The following COL15A1 variants were observed in gnomAD, a reference collection of about 807,000 sequenced individuals.
COL15A1 encodes collagen alpha-1(XV) chain.
In COL15A1, 111 loss-of-function variants were observed where a neutral mutation model predicts 165.9. The observed-to-expected ratio is 0.67, with a 90% CI of 0.57 to 0.78. The LOEUF is 0.78. COL15A1 is among the 30% of genes least tolerant of loss of function. The pLI, the probability that COL15A1 is intolerant of heterozygous loss-of-function variation, is 0.00. For missense variants in COL15A1, 1,745 were observed against 1,789.7 expected (o/e 0.98, Z 0.45); for synonymous variants, 659 against 674.8 (o/e 0.98, Z 0.36).
At chr9:99,040,741 A>G in intron 23 of COL15A1, 185 bp downstream of exon 23, 1 of 1,028,294 alleles carries the variant, frequency 9.7e-7, no homozygotes, top group Non-Finnish European at 1.4e-6. Flanking sequence ...CTGGTCTGGA[A>G]CTCCTGAGCT....
At chr9:99,040,393 G>A (rs1191760051) in intron 22 of COL15A1, 128 bp from the exon 23 acceptor site, 6 of 1,482,394 alleles carry the variant, frequency 4.0e-6, no homozygotes, top group African/African-American at 1.4e-5. Context: ...CCCTAATGCT[G>A]TGTCAATCCG....
chr9:99,022,614 A>G (rs73503744), intron 13 of COL15A1, among the ~76,000 whole-genome samples: 6,653 of 152,044 alleles, frequency 0.044, 386 homozygotes, highest in South Asian at 0.11. Flanking sequence ...CTCCGCCTCC[A>G]TGTCACCACT....
rs1334467922 is a variant in COL15A1 at position 99,055,321 on chromosome 9, C to G, written c.3141C>G (p.Gly1047=). Residue 1047 remains glycine (G), a synonymous_variant, in exon 34 of 42, where the codon GGC becomes GGG. Coordinates refer to ENST00000375001, the MANE Select transcript of COL15A1 (RefSeq NM_001855.5). ...AAGGAGAAAAAGGAGACATTAATGG[C>G]AGCTTCCTTATGTCTGGGCCTCCAG... ...GEKGEKGDIN[G]SFLMSGPPGL... is the part of the protein sequence containing the mutation. 6.2e-7 allele frequency: 1 copy of G among 1,613,824 alleles called. No homozygotes were observed. The highest frequency in any genetic ancestry group is 8.5e-7 in the Non-Finnish European group (1 of 1,179,828).
rs574416109 is a variant in COL15A1 at position 99,064,998 on chromosome 9, C to T, written c.3652-1884C>T. Among the ~76,000 whole-genome samples the T allele has an allele frequency of 2.0e-5, 3 of 152,258 alleles. No individual in the cohort carries two copies. In the South Asian group the frequency reaches 6.2e-4, roughly 32 times the overall value. Reference sequence around the variant, plus strand: ...ACCTACAATTTTATCAAAACTACAACCATCCACAAAATAGCAATTTTAACA... The same window carrying T: ...ACCTACAATTTTATCAAAACTACAATCATCCACAAAATAGCAATTTTAACA... On this transcript the variant is annotated intron_variant, in intron 39 of 41. Transcript: ENST00000375001.
chr9:98,971,729 G>A (rs971878023), intron 2 of COL15A1, among the ~76,000 whole-genome samples: 1 of 152,250 alleles, frequency 6.6e-6, no homozygotes, highest in Non-Finnish European at 1.5e-5. Flanking sequence ...CCAGGACTGA[G>A]GGGTCCGCGT....
chr9:99,021,740 G>A (rs994697442), intron 12 of COL15A1, among the ~76,000 whole-genome samples: 1 of 152,202 alleles, frequency 6.6e-6, no homozygotes, highest in African/African-American at 2.4e-5. Flanking sequence ...GGCAGGGCAG[G>A]CTTCAGGGGA....
chr9:98,947,996 G>C (rs1303016375), intron 2 of COL15A1, among the ~76,000 whole-genome samples: 5 of 152,162 alleles, frequency 3.3e-5, no homozygotes, highest in East Asian at 1.9e-4. Flanking sequence ...GAAGTGGAGA[G>C]GCAAGAGTCA....
chr9:99,070,095 A>G lies in COL15A1; in HGVS notation c.*209A>G, dbSNP rs1825962118. 7.6e-6 allele frequency: 4 copies of G among 524,818 alleles called. No homozygotes were observed. Among genetic ancestry groups the G allele is most frequent in the Non-Finnish European group, 1.0e-5 (3 of 298,394 alleles). 32.5% of individuals were successfully genotyped at this position (524,818 alleles called of 1,614,324 possible). On this transcript the variant is annotated 3_prime_UTR_variant, in exon 42 of 42. Transcript: ENST00000375001. ...ATCAAAGACAAAATCTGATCCATAT[A>G]TTGGTGCTAGATTCTGCAGGAAACC...
chr9:99,006,677 C>T (rs1273473060), intron 9 of COL15A1, among the ~76,000 whole-genome samples: 1 of 152,190 alleles, frequency 6.6e-6, no homozygotes, highest in African/African-American at 2.4e-5. Context: ...TCTTCTCCAC[C>T]TCCCCTCCCT....
At chr9:99,005,155 A>G (rs1214200380) in intron 9 of COL15A1, 105 bp downstream of exon 9, 1 of 1,209,358 alleles carries the variant, frequency 8.3e-7, no homozygotes. Context: ...AGCCTGAGGC[A>G]CGGGGATCTC....
intron 9 of COL15A1, among the ~76,000 whole-genome samples, chr9:99,005,305 C>A (rs1427739951): frequency 6.6e-6 from 1 of 152,054 alleles, no homozygotes; most frequent in Non-Finnish European, 1.5e-5. Context: ...CATGCAGGAC[C>A]CTGCTGCCTC....
chr9:99,050,077 A>G (rs1203117575), intron 30 of COL15A1, among the ~76,000 whole-genome samples, 182 bp downstream of exon 30: 1 of 152,212 alleles, frequency 6.6e-6, no homozygotes, highest in Non-Finnish European at 1.5e-5. Flanking sequence ...GCAATGAAAT[A>G]TACTGGATCT....
At chr9:99,044,200 TAGAC>T (rs1839457924) in intron 24 of COL15A1, among the ~76,000 whole-genome samples, 1 of 152,002 alleles carries the variant, frequency 6.6e-6, no homozygotes, top group Admixed American at 6.6e-5. Flanking sequence ...TGGCAGGAGA[TAGAC>T]AGGACCACAC....
At chr9:99,056,910 G>A (rs748898840) in intron 35 of COL15A1, among the ~76,000 whole-genome samples, 1 of 152,168 alleles carries the variant, frequency 6.6e-6, no homozygotes, top group Non-Finnish European at 1.5e-5. Flanking sequence ...AAATAATATT[G>A]CATTGTATAG....
chr9:98,991,272 T>C (rs1421530800), intron 5 of COL15A1, among the ~76,000 whole-genome samples: 1 of 151,760 alleles, frequency 6.6e-6, no homozygotes. Context: ...CCCCCCCACA[T>C]CCTGCTGATT....
chr9:99,044,818 T>G, intron 26 of COL15A1, 48 bp downstream of exon 26: 1 of 1,526,738 alleles, frequency 6.5e-7, no homozygotes, highest in Non-Finnish European at 9.1e-7. Flanking sequence ...GTTTGAAGCA[T>G]TTTTCATACT....
At chr9:99,038,327 T>A (rs1318149481) in intron 21 of COL15A1, among the ~76,000 whole-genome samples, 1 of 152,210 alleles carries the variant, frequency 6.6e-6, no homozygotes, top group Non-Finnish European at 1.5e-5. Context: ...TAATACAGCC[T>A]GATGCCATTT....
At chr9:98,960,846 T>C (rs1432141533) in intron 2 of COL15A1, among the ~76,000 whole-genome samples, 4 of 152,240 alleles carry the variant, frequency 2.6e-5, no homozygotes, top group Admixed American at 1.3e-4. Context: ...AGCTGTCCTG[T>C]GTCCTCTCTC....
intron 12 of COL15A1, among the ~76,000 whole-genome samples, chr9:99,021,707 C>T (rs530543688): frequency 1.3e-5 from 2 of 152,208 alleles, no homozygotes; most frequent in Non-Finnish European, 2.9e-5. Context: ...AAAGGTCACA[C>T]GCCCTGGTGA....
Sources: allele counts gnomAD v4.1 joint callset (sites outside exome capture counted in the v4.1 genomes callset), GRCh38; gene constraint gnomAD v4.1.1; transcripts MANE v1.5; gene names NCBI Gene and HGNC (gene_info 2026-07-23, HGNC 2026-07-21).